Variants in NAALADL2 observed in about 807,000 individuals in gnomAD.
NAALADL2 encodes inactive N-acetylated-alpha-linked acidic dipeptidase-like protein 2.
Under a neutral mutation model 87.2 loss-of-function variants are expected in NAALADL2, and 76 were observed. The ratio of observed to expected loss-of-function variants is 0.87; its 90% CI spans 0.72 to 1.05. The LOEUF (loss-of-function observed/expected upper bound fraction) is 1.05, where lower values mean the gene tolerates loss of function less well. Among genes scored for constraint, NAALADL2 ranks in the 50% least tolerant of loss-of-function variants. NAALADL2 has a pLI of 0.00. For missense variants in NAALADL2, 1,089 were observed against 945.8 expected (o/e 1.15, Z -1.99); for synonymous variants, 354 against 331.0 (o/e 1.07, Z -0.75).
chr3:174,814,947 C>A (rs2109308568), intron 3 of NAALADL2, among the ~76,000 whole-genome samples: 1 of 152,148 alleles, frequency 6.6e-6, no homozygotes, highest in South Asian at 2.1e-4. Flanking sequence ...CAATACTTAC[C>A]CGGGCCAAAA....
intron 13 of NAALADL2, among the ~76,000 whole-genome samples, chr3:175,785,847 T>C (rs1751862288): frequency 6.6e-6 from 1 of 150,422 alleles, no homozygotes; most frequent in Admixed American, 6.6e-5. Flanking sequence ...TGGTACCGGT[T>C]GTTCCTTTCT....
At chr3:174,777,338 C>A (rs992279398) in intron 3 of NAALADL2, among the ~76,000 whole-genome samples, 7 of 152,056 alleles carry the variant, frequency 4.6e-5, no homozygotes, top group Admixed American at 1.3e-4. Context: ...CAAATAAAGT[C>A]ATGAAAATTA....
intron 1 of NAALADL2, among the ~76,000 whole-genome samples, chr3:174,906,946 A>T (rs1006066716): frequency 4.6e-5 from 7 of 152,112 alleles, no homozygotes; most frequent in African/African-American, 1.7e-4. Context: ...TATTTATCAC[A>T]GGTGAGTTTT....
rs541587877 is a variant in NAALADL2 at position 174,814,087 on chromosome 3, TTTTA to T, written c.-9+76345_-9+76348del. On this transcript the variant is annotated intron_variant, in intron 3 of 3. Transcript: ENST00000434257. ...TGACAACTGTCTGTTTAGGTAAATA[TTTTA>T]TTTTTATTTATTTATTTTTATTTAT... is the stretch of plus-strand genomic sequence containing the variant. Among the ~76,000 whole-genome samples the T allele has an allele frequency of 5.7e-3, 869 of 151,528 alleles. 10 individuals are homozygous for T. The highest frequency in any genetic ancestry group is 0.02 in the African/African-American group (828 of 41,390).
chr3:175,464,909 G>C (rs1215459458), intron 7 of NAALADL2, among the ~76,000 whole-genome samples: 1 of 152,048 alleles, frequency 6.6e-6, no homozygotes, highest in Non-Finnish European at 1.5e-5. Flanking sequence ...TATTATCACT[G>C]ATACATTCGC....
chr3:175,493,614 C>T (rs1316422206), intron 9 of NAALADL2, among the ~76,000 whole-genome samples: 4 of 152,046 alleles, frequency 2.6e-5, no homozygotes, highest in Non-Finnish European at 5.9e-5. Context: ...ATATTTTAAC[C>T]AAAAGACAGC....
chr3:174,522,308 G>C (rs2108415583), intron 1 of NAALADL2, among the ~76,000 whole-genome samples: 1 of 152,202 alleles, frequency 6.6e-6, no homozygotes, highest in East Asian at 1.9e-4. Context: ...ATTAGGAGAT[G>C]GAGCCTTTGG....
At chr3:175,427,741 A>G (rs1055020701) in intron 5 of NAALADL2, among the ~76,000 whole-genome samples, 3 of 152,150 alleles carry the variant, frequency 2.0e-5, no homozygotes, top group Non-Finnish European at 4.4e-5. Flanking sequence ...TCCAATAGGC[A>G]TATTTTTAAA....
chr3:175,727,566 T>G (rs1743104254), intron 11 of NAALADL2, among the ~76,000 whole-genome samples: 1 of 152,192 alleles, frequency 6.6e-6, no homozygotes, highest in South Asian at 2.1e-4. Flanking sequence ...ACTTTGGAAA[T>G]CCTTTGCTAA....
chr3:175,276,524 C>T (rs1423586539), intron 4 of NAALADL2, among the ~76,000 whole-genome samples: 2 of 151,918 alleles, frequency 1.3e-5, no homozygotes, highest in Non-Finnish European at 2.9e-5. Context: ...AGGATGGTCT[C>T]GATTTCCTGA....
At chr3:175,490,040 C>G (rs1727829734) in intron 9 of NAALADL2, among the ~76,000 whole-genome samples, 1 of 152,156 alleles carries the variant, frequency 6.6e-6, no homozygotes, top group South Asian at 2.1e-4. Flanking sequence ...TCCTACTTGA[C>G]TTAATCATCG....
intron 1 of NAALADL2, among the ~76,000 whole-genome samples, chr3:174,925,203 G>A (rs9681277): frequency 1.3e-5 from 2 of 151,946 alleles, no homozygotes; most frequent in Non-Finnish European, 2.9e-5. Flanking sequence ...TATGGTTTTA[G>A]GTCTAACATT....
chr3:175,672,753 A>G (rs1288305362), intron 11 of NAALADL2, among the ~76,000 whole-genome samples: 1 of 152,190 alleles, frequency 6.6e-6, no homozygotes, highest in Non-Finnish European at 1.5e-5. Flanking sequence ...TTTTAAATCA[A>G]AAATATTTTC....
chr3:174,622,970 G>A (rs552603732), intron 2 of NAALADL2, among the ~76,000 whole-genome samples: 1 of 152,274 alleles, frequency 6.6e-6, no homozygotes, highest in African/African-American at 2.4e-5. Flanking sequence ...GTGAACCCAG[G>A]AGGCGGAGCT....
chr3:174,691,534 G>A (rs1165150405), intron 2 of NAALADL2, among the ~76,000 whole-genome samples: 1 of 152,138 alleles, frequency 6.6e-6, no homozygotes, highest in Non-Finnish European at 1.5e-5. Flanking sequence ...GAAGGTTGAT[G>A]GCTGCTGACT....
chr3:175,065,265 C>T (rs1466223877), intron 1 of NAALADL2, among the ~76,000 whole-genome samples: 1 of 152,072 alleles, frequency 6.6e-6, no homozygotes, highest in Non-Finnish European at 1.5e-5. Flanking sequence ...CTATTGTCGT[C>T]GGGACTCCCT....
intron 2 of NAALADL2, among the ~76,000 whole-genome samples, chr3:175,185,504 T>C (rs778462792): frequency 1.3e-5 from 2 of 151,960 alleles, no homozygotes; most frequent in African/African-American, 2.4e-5. Context: ...GCATGCATCA[T>C]GATGTATTTA....
chr3:175,643,393 A>C (rs1729559494), intron 11 of NAALADL2, among the ~76,000 whole-genome samples: 2 of 152,210 alleles, frequency 1.3e-5, no homozygotes, highest in African/African-American at 4.8e-5. Flanking sequence ...ATAGGGAATG[A>C]ATATCTTTAA....
intron 2 of NAALADL2, among the ~76,000 whole-genome samples, chr3:174,608,757 C>T (rs1174509773): frequency 6.8e-6 from 1 of 147,368 alleles, no homozygotes; most frequent in Non-Finnish European, 1.5e-5. Flanking sequence ...GGTACCATTC[C>T]TTCTGAAACT....
Sources: gnomAD v4.1 joint callset for allele counts (sites outside exome capture counted in the v4.1 genomes callset) on GRCh38, gnomAD v4.1.1 for gene constraint, MANE v1.5 for transcripts, NCBI Gene and HGNC (gene_info 2026-07-23, HGNC 2026-07-21) for gene names.